LYRM4: variants seen among roughly 807,000 people sequenced by gnomAD.
The protein encoded by LYRM4 is LYR motif-containing protein 4.
LYRM4 carries 9 observed loss-of-function variants against 11.7 expected under a neutral mutation model. The ratio of observed to expected loss-of-function variants is 0.77; its 90% CI spans 0.46 to 1.34. LYRM4 has a LOEUF of 1.34. Among genes scored for constraint, LYRM4 ranks in the 40% most tolerant of loss-of-function variants. The pLI is 0.00. For synonymous variants in LYRM4, 42 were observed against 40.4 expected (o/e 1.04, Z -0.15); for missense variants, 133 against 112.5 (o/e 1.18, Z -0.82).
At chr6:5,211,558 CAT>C (rs1554139687) in intron 2 of LYRM4, among the ~76,000 whole-genome samples, 2 of 152,184 alleles carry the variant, frequency 1.3e-5, no homozygotes, top group South Asian at 2.1e-4. Context: ...AATGGCTGTA[CAT>C]AGTGTCTGCT....
At chr6:5,163,407 A>G (rs1341514047) in intron 2 of LYRM4, among the ~76,000 whole-genome samples, 1 of 151,828 alleles carries the variant, frequency 6.6e-6, no homozygotes, top group African/African-American at 2.4e-5. Flanking sequence ...TGTTTCACCG[A>G]TCAGTTTGCC....
At chr6:5,202,632 T>G (rs1345640677) in intron 2 of LYRM4, among the ~76,000 whole-genome samples, 2 of 152,192 alleles carry the variant, frequency 1.3e-5, no homozygotes, top group Non-Finnish European at 1.5e-5. Flanking sequence ...CCACCCACCT[T>G]ATTTCTCCCT....
chr6:5,069,311 A>G, the LYRM4 span, among the ~76,000 whole-genome samples: 30 of 152,032 alleles, frequency 2.0e-4, no homozygotes, highest in Admixed American at 8.5e-4. Context: ...TAAAACTCAG[A>G]TATTGTAAAG....
chr6:5,192,918 C>T (rs1204404404), intron 2 of LYRM4, among the ~76,000 whole-genome samples: 1 of 152,044 alleles, frequency 6.6e-6, no homozygotes, highest in Non-Finnish European at 1.5e-5. Flanking sequence ...CCCAGCTACT[C>T]GGGAGGCTGA....
intron 2 of LYRM4, among the ~76,000 whole-genome samples, chr6:5,201,093 C>T (rs949338767): frequency 6.6e-6 from 1 of 151,970 alleles, no homozygotes; most frequent in African/African-American, 2.4e-5. Context: ...CCAAATATTA[C>T]AAGTGCTTAG....
chr6:5,184,593 A>C (rs948221204), intron 2 of LYRM4, among the ~76,000 whole-genome samples: 9 of 152,232 alleles, frequency 5.9e-5, no homozygotes, highest in Non-Finnish European at 1.0e-4. Flanking sequence ...TAGAAAATGG[A>C]TCTTGTTCTT....
chr6:5,185,910 C>T (rs978979313), intron 2 of LYRM4, among the ~76,000 whole-genome samples: 2 of 152,046 alleles, frequency 1.3e-5, no homozygotes, highest in East Asian at 1.9e-4. Context: ...GAGACTGGGC[C>T]AGGGCCAGCA....
At chr6:5,125,989 T>C (rs1763683696) in intron 2 of LYRM4, among the ~76,000 whole-genome samples, 1 of 152,232 alleles carries the variant, frequency 6.6e-6, no homozygotes, top group South Asian at 2.1e-4. Context: ...ACCTTCCTTC[T>C]GGGCAGTTTG....
intron 2 of LYRM4, chr6:5,138,664 C>T: frequency 1.4e-6 from 2 of 1,441,244 alleles, no homozygotes; most frequent in Admixed American, 2.1e-5. Context: ...ACATGCTCCC[C>T]ACTGAAAACA....
At chr6:5,130,053 A>C (rs967944491) in intron 2 of LYRM4, among the ~76,000 whole-genome samples, 5 of 152,268 alleles carry the variant, frequency 3.3e-5, no homozygotes, top group African/African-American at 1.2e-4. Flanking sequence ...AAAACTAATT[A>C]AATCTGAAAT....
intron 2 of LYRM4, among the ~76,000 whole-genome samples, chr6:5,165,403 T>C (rs1313971741): frequency 3.9e-5 from 6 of 152,236 alleles, no homozygotes; most frequent in African/African-American, 1.4e-4. Flanking sequence ...TGTTCTAATT[T>C]GTTTTTCTCT....
intron 2 of LYRM4, among the ~76,000 whole-genome samples, chr6:5,161,717 C>G (rs963959429): frequency 1.3e-5 from 2 of 152,164 alleles, no homozygotes; most frequent in African/African-American, 4.8e-5. Flanking sequence ...TTGGAGGAGG[C>G]TGTTGGAGCC....
chr6:5,245,292 A>G (rs1288193740), intron 1 of LYRM4, among the ~76,000 whole-genome samples: 1 of 151,104 alleles, frequency 6.6e-6, no homozygotes, highest in East Asian at 2.0e-4. Context: ...CAAGGAAGTG[A>G]GTGACTGGGT....
rs565172067 is a variant in LYRM4, at chr6:5,125,146, C to A, written c.208-15655G>T. On this transcript the variant is annotated intron_variant, in intron 2 of 2. Transcript: ENST00000330636. ...ACGGTAAGGAGAAGGGGCCTGTGCC[C>A]CACCTTGCTGCACCTGCATGGCTGC... Among the ~76,000 whole-genome samples the A allele has an allele frequency of 3.9e-5, 6 of 152,312 alleles. No individual in the cohort carries two copies. The East Asian group carries it at 1.2e-3, about 29-fold the overall frequency.
At chr6:5,098,332 G>T in the LYRM4 span, among the ~76,000 whole-genome samples, 3 of 152,180 alleles carry the variant, frequency 2.0e-5, no homozygotes, top group Admixed American at 6.5e-5. Flanking sequence ...TGCTCTGCTC[G>T]GGAGTGATGT....
chr6:5,086,532 G>C, the LYRM4 span: 1 of 1,530,390 alleles, frequency 6.5e-7, no homozygotes, highest in Non-Finnish European at 8.8e-7. Flanking sequence ...ACTACACGCT[G>C]CGCTACGCGC....
At chr6:5,159,121 G>C (rs1758596161) in intron 2 of LYRM4, among the ~76,000 whole-genome samples, 1 of 152,228 alleles carries the variant, frequency 6.6e-6, no homozygotes, top group African/African-American at 2.4e-5. Flanking sequence ...GGGCTGGAGG[G>C]GGCCAGACTG....
At chr6:5,062,078 CTTCTTTTT>C in the LYRM4 span, among the ~76,000 whole-genome samples, 18 of 137,576 alleles carry the variant, frequency 1.3e-4, no homozygotes, top group Admixed American at 1.3e-3. Flanking sequence ...CCCCTTCCTT[CTTCTTTTT>C]TTTTTTTTTT....
downstream of LYRM4, among the ~76,000 whole-genome samples, chr6:5,101,964 C>CTTTTT (rs1431348110): frequency 5.5e-5 from 2 of 36,196 alleles, no homozygotes; most frequent in African/African-American, 1.5e-4. Context: ...CCAACTAATG[C>CTTTTT]TTTCTTTTTT....
Sources: allele counts gnomAD v4.1 joint callset (sites outside exome capture counted in the v4.1 genomes callset), GRCh38; gene constraint gnomAD v4.1.1; transcripts MANE v1.5; gene names NCBI Gene and HGNC (gene_info 2026-07-23, HGNC 2026-07-21).